The following NAV2 variants were observed in gnomAD, a reference collection of about 807,000 sequenced individuals.
NAV2 encodes neuron navigator 2.
Under a neutral mutation model 223.2 loss-of-function variants are expected in NAV2, and 54 were observed. That is an observed-to-expected ratio of 0.24 (90% CI 0.19 to 0.30). The LOEUF (loss-of-function observed/expected upper bound fraction) is 0.30. Ranked by LOEUF, NAV2 falls within the 10% of genes least tolerant of loss-of-function variation. The pLI is 1.00. For synonymous variants in NAV2, 1,279 were observed against 1,239.3 expected, an observed-to-expected ratio of 1.03 and a Z score of -0.67; for missense variants, 2,806 against 3,147.5, an observed-to-expected ratio of 0.89 and a Z score of 2.60.
At chr11:19,941,341 G>A (rs1175193799) in intron 8 of NAV2, among the ~76,000 whole-genome samples, 1 of 151,508 alleles carries the variant, frequency 6.6e-6, no homozygotes, top group African/African-American at 2.4e-5. Flanking sequence ...ATCAAATGGG[G>A]TTGGTCGCTA....
At chr11:19,740,457 A>T (rs761288762) in intron 1 of NAV2, among the ~76,000 whole-genome samples, 7 of 152,222 alleles carry the variant, frequency 4.6e-5, no homozygotes, top group Non-Finnish European at 1.0e-4. Context: ...CTAGGAAAAC[A>T]GAGACCTTTG....
intron 1 of NAV2, among the ~76,000 whole-genome samples, chr11:19,817,543 T>A (rs923763659): frequency 2.0e-5 from 3 of 151,592 alleles, no homozygotes; most frequent in Non-Finnish European, 2.9e-5. Flanking sequence ...GAGGTCCGAG[T>A]TGGGGGAGGG....
At chr11:19,936,016 T>C (rs1249522017) in intron 7 of NAV2, among the ~76,000 whole-genome samples, 4 of 141,466 alleles carry the variant, frequency 2.8e-5, no homozygotes, top group African/African-American at 5.5e-5. Context: ...CATGCCGCCA[T>C]GCCTGGCTAA....
chr11:19,551,421 G>A (rs920413244), intron 1 of NAV2, among the ~76,000 whole-genome samples: 2 of 152,188 alleles, frequency 1.3e-5, no homozygotes, highest in Non-Finnish European at 2.9e-5. Context: ...TGGGTTCCAC[G>A]GCAAGTCCTC....
chr11:19,805,420 G>A (rs1343679373), intron 1 of NAV2, among the ~76,000 whole-genome samples: 1 of 151,366 alleles, frequency 6.6e-6, no homozygotes, highest in African/African-American at 2.4e-5. Flanking sequence ...TGAGATGGGG[G>A]TTTGGCGTCC....
chr11:20,115,493 G>A (rs535608550), intron 37 of NAV2, among the ~76,000 whole-genome samples: 2 of 151,964 alleles, frequency 1.3e-5, no homozygotes, highest in South Asian at 2.1e-4. Flanking sequence ...TTAGCTGGGC[G>A]TGGTGGCAGG....
intron 11 of NAV2, among the ~76,000 whole-genome samples, chr11:20,031,855 C>T (rs1408461572): frequency 6.6e-6 from 1 of 152,124 alleles, no homozygotes; most frequent in Non-Finnish European, 1.5e-5. Context: ...GACTTCACAG[C>T]TGTTAAAATG....
rs865835627 is a variant in NAV2, at chr11:19,754,004, G to A, written c.267+40042G>A. Among the ~76,000 whole-genome samples, 5 of 152,338 alleles carry A rather than the reference G, an allele frequency of 3.3e-5. No homozygotes were observed. The East Asian group carries it at 9.6e-4, about 29-fold the overall frequency. ...TCCAGGAAACCACGTTACCAGCATA[G>A]CAATTGTTTTCACTGCATTTCAGAA... On this transcript the variant is annotated intron_variant, in intron 1 of 37. Transcript: ENST00000349880.
In NAV2 at chr11:20,119,866, T is replaced by A. The variant is rs1452069454; in HGVS notation, c.*1608T>A. The A allele has an allele frequency of 6.6e-6, 1 of 152,316 alleles. No individual in the cohort carries two copies. Among genetic ancestry groups the A allele is most frequent in the Non-Finnish European group, 1.5e-5 (1 of 68,036 alleles). 9.4% of individuals were successfully genotyped at this position (152,316 alleles called of 1,614,324 possible). ...TTTTAGGTTCTTTTCGGTCTCCAGC[T>A]GACAACCCAACTGGACAATGATCTG... On this transcript the variant is annotated 3_prime_UTR_variant, in exon 38 of 38. Transcript: ENST00000349880.
At chr11:19,554,137 G>A (rs1029422441) in intron 1 of NAV2, among the ~76,000 whole-genome samples, 1 of 152,214 alleles carries the variant, frequency 6.6e-6, no homozygotes, top group Non-Finnish European at 1.5e-5. Flanking sequence ...CTAATGCTGG[G>A]TTAGAGTCTT....
chr11:19,612,120 C>A (rs1253935131), intron 1 of NAV2, among the ~76,000 whole-genome samples: 1 of 152,340 alleles, frequency 6.6e-6, no homozygotes, highest in Middle Eastern at 3.4e-3. Context: ...AGCCATGGCC[C>A]AAGCTCTACA....
At chr11:19,417,305 A>C (rs1850413603) in intron 1 of NAV2, among the ~76,000 whole-genome samples, 2 of 152,244 alleles carry the variant, frequency 1.3e-5, no homozygotes, top group African/African-American at 4.8e-5. Flanking sequence ...GACACTTCTC[A>C]AAAGAAGACA....
intron 1 of NAV2, among the ~76,000 whole-genome samples, chr11:19,760,558 T>C (rs2054649196): frequency 6.6e-6 from 1 of 152,162 alleles, no homozygotes; most frequent in African/African-American, 2.4e-5. Flanking sequence ...TTGCTGGGCT[T>C]TTCAGGGGCT....
chr11:19,942,922 G>C (rs2046520047), intron 8 of NAV2, among the ~76,000 whole-genome samples: 1 of 152,194 alleles, frequency 6.6e-6, no homozygotes, highest in African/African-American at 2.4e-5. Context: ...GTTTGAGGCT[G>C]CATTGAGCTG....
intron 1 of NAV2, among the ~76,000 whole-genome samples, chr11:19,512,862 T>G (rs935858504): frequency 2.0e-5 from 3 of 152,226 alleles, no homozygotes; most frequent in Non-Finnish European, 2.9e-5. Flanking sequence ...ATATTTGTGC[T>G]GTGACACTGG....
intron 11 of NAV2, among the ~76,000 whole-genome samples, chr11:20,010,727 T>C (rs2053496252): frequency 1.3e-5 from 2 of 152,176 alleles, no homozygotes; most frequent in East Asian, 1.9e-4. Flanking sequence ...CTGTGACTGG[T>C]TATCTGTTTT....
At chr11:19,370,322 C>T (rs1174176758) in intron 1 of NAV2, among the ~76,000 whole-genome samples, 6 of 152,154 alleles carry the variant, frequency 3.9e-5, no homozygotes, top group Admixed American at 1.3e-4. Flanking sequence ...TACATTGAGC[C>T]GGTCTTGGGA....
chr11:19,535,113 G>A lies in NAV2; in HGVS notation c.75+184086G>A, dbSNP rs148973715. On this transcript the variant is annotated intron_variant, in intron 1 of 37. Coordinates refer to the NAV2 transcript ENST00000360655. ...AGCAAATGAAGGACATGATAGATTT[G>A]CATTTTAGCAAGATTGTGCAGGCAG... 1.7e-3 allele frequency among the ~76,000 whole-genome samples: 257 copies of A among 152,236 alleles called. 1 individual carries two copies. The highest frequency in any genetic ancestry group is 6.0e-3 in the African/African-American group (250 of 41,550).
intron 5 of NAV2, among the ~76,000 whole-genome samples, chr11:19,886,275 C>G (rs987592213): frequency 6.6e-6 from 1 of 152,122 alleles, no homozygotes; most frequent in Non-Finnish European, 1.5e-5. Context: ...ACTGAGCTGC[C>G]GAACCTAGAG....
Sources: gnomAD v4.1 joint callset for allele counts (sites outside exome capture counted in the v4.1 genomes callset) on GRCh38, gnomAD v4.1.1 for gene constraint, MANE v1.5 for transcripts, NCBI Gene and HGNC (gene_info 2026-07-23, HGNC 2026-07-21) for gene names.